The following FAM117A variants were observed in gnomAD, a reference collection of about 807,000 sequenced individuals.
The protein encoded by FAM117A is family with sequence similarity 117 member A.
A neutral mutation model predicts 44.1 loss-of-function variants in FAM117A; 21 were observed. The ratio of observed to expected loss-of-function variants is 0.48; its 90% CI spans 0.34 to 0.69. The LOEUF is 0.69. Ranked by LOEUF, FAM117A falls within the 30% of genes least tolerant of loss-of-function variation. FAM117A has a pLI of 0.01. For synonymous variants in FAM117A, 220 were observed against 238.3 expected (o/e 0.92, Z 0.71); for missense variants, 498 against 589.9 (o/e 0.84, Z 1.61).
chr17:49,767,858 G>T (rs757216867), upstream of FAM117A, among the ~76,000 whole-genome samples: 3 of 151,946 alleles, frequency 2.0e-5, no homozygotes, highest in Non-Finnish European at 2.9e-5. Context: ...AACCAAGATT[G>T]CACCACTGCG....
At chr17:49,787,522 T>C (rs1172182886) in intron 1 of FAM117A, among the ~76,000 whole-genome samples, 4 of 152,242 alleles carry the variant, frequency 2.6e-5, no homozygotes, top group African/African-American at 9.6e-5. Flanking sequence ...ATTTACCTTC[T>C]GCTTCTTTGT....
intron 1 of FAM117A, among the ~76,000 whole-genome samples, chr17:49,737,184 C>T (rs1447320627): frequency 1.3e-5 from 2 of 152,176 alleles, no homozygotes; most frequent in African/African-American, 2.4e-5. Context: ...AAGTTGGTGA[C>T]AGGCACACTG....
chr17:49,763,882 C>G lies in FAM117A; in HGVS notation c.196+10G>C. The G allele has an allele frequency of 1.6e-6, 2 of 1,227,352 alleles. No homozygotes were observed. Among genetic ancestry groups the G allele is most frequent in the Non-Finnish European group, 2.0e-6 (2 of 985,326 alleles). 76.0% of individuals were successfully genotyped at this position (1,227,352 alleles called of 1,614,324 possible). A position where few individuals can be genotyped will look rare whatever the true frequency, so the allele number is the denominator to read the frequency against. ...CTCCTTCCACGGCACCCGCTCCAGG[C>G]CCGGCTCACCTGCACGGCCACCCCC... On this transcript the variant is annotated intron_variant, in intron 1 of 7. Transcript: ENST00000240364.
intron 1 of FAM117A, among the ~76,000 whole-genome samples, chr17:49,773,815 A>T (rs1320816950): frequency 6.6e-6 from 1 of 151,400 alleles, no homozygotes; most frequent in East Asian, 2.0e-4. Flanking sequence ...GTGTAATGGC[A>T]CGATCTCGGC....
At chr17:49,780,993 G>C (rs1468719302) in intron 1 of FAM117A, among the ~76,000 whole-genome samples, 1 of 151,994 alleles carries the variant, frequency 6.6e-6, no homozygotes, top group Non-Finnish European at 1.5e-5. Flanking sequence ...ACCATGCCCG[G>C]CTAATTTTTG....
intron 1 of FAM117A, among the ~76,000 whole-genome samples, chr17:49,740,517 G>A (rs965014319): frequency 1.3e-5 from 2 of 152,182 alleles, no homozygotes; most frequent in African/African-American, 2.4e-5. Flanking sequence ...CCAAAGTGCT[G>A]GGATTACAGG....
Position 49,720,350 on chromosome 17 carries a change from G to A in FAM117A, c.549C>T (p.Asp183=), listed in dbSNP as rs774907028. ...CCCTCAGTGCTCCCCGCACTGCGTG[G>A]TCCCCTAGGAGTGGTGAACCTCGCT... is the stretch of plus-strand genomic sequence containing the variant. ...EKERGSPLLG[D]HAVRGALRAS... The change falls in exon 4 of 8, where the codon GAC becomes GAT. Residue 183 remains aspartate (D), a synonymous_variant. Transcript: ENST00000240364. 2.2e-5 allele frequency: 35 copies of A among 1,613,676 alleles called. No individual in the cohort carries two copies. The highest frequency in any genetic ancestry group is 2.8e-5 in the Non-Finnish European group (33 of 1,179,950).
chr17:49,758,640 AAT>A (rs1567835873), intron 1 of FAM117A, among the ~76,000 whole-genome samples: 81 of 43,252 alleles, frequency 1.9e-3, no homozygotes, highest in East Asian at 6.9e-3. Flanking sequence ...AAAAAAATAA[AAT>A]AAATAAATAA....
At chr17:49,788,471 C>T (rs529749404) in intron 1 of FAM117A, 5 of 260,416 alleles carry the variant, frequency 1.9e-5, no homozygotes, top group Middle Eastern at 1.1e-3. Context: ...GAATGGCTAC[C>T]CACGCCCACA....
chr17:49,767,921 AAGT>A (rs1043322173), upstream of FAM117A, among the ~76,000 whole-genome samples: 3 of 152,236 alleles, frequency 2.0e-5, no homozygotes, highest in East Asian at 1.9e-4. Flanking sequence ...TAAAAAAAAA[AAGT>A]AGAAGATTAT....
intron 1 of FAM117A, among the ~76,000 whole-genome samples, chr17:49,757,725 A>G (rs759342709): frequency 6.6e-6 from 1 of 152,292 alleles, no homozygotes; most frequent in South Asian, 2.1e-4. Context: ...TTTTTGACCT[A>G]ATAATGTGAG....
intron 1 of FAM117A, among the ~76,000 whole-genome samples, chr17:49,742,471 G>A (rs1008943529): frequency 2.6e-5 from 4 of 152,226 alleles, no homozygotes; most frequent in African/African-American, 4.8e-5. Context: ...TTAAGCTGCA[G>A]TTAGAAGAAA....
chr17:49,768,177 G>A (rs2073750768), upstream of FAM117A, among the ~76,000 whole-genome samples: 1 of 152,016 alleles, frequency 6.6e-6, no homozygotes, highest in Non-Finnish European at 1.5e-5. Context: ...GATTACCAAG[G>A]GCAAAAGGCT....
chr17:49,744,602 GA>G (rs2143758453), intron 1 of FAM117A, among the ~76,000 whole-genome samples: 1 of 152,038 alleles, frequency 6.6e-6, no homozygotes, highest in South Asian at 2.1e-4. Context: ...TTATAGGTGT[GA>G]GTCACCTTGC....
chr17:49,712,841 C>G (rs1344361014), intron 7 of FAM117A, among the ~76,000 whole-genome samples: 2 of 152,040 alleles, frequency 1.3e-5, no homozygotes, highest in Non-Finnish European at 2.9e-5. Context: ...CCATGTGGTC[C>G]TTGTCATATC....
intron 2 of FAM117A, among the ~76,000 whole-genome samples, chr17:49,728,173 A>G (rs775282080): frequency 6.6e-6 from 1 of 152,230 alleles, no homozygotes; most frequent in Non-Finnish European, 1.5e-5. Context: ...CTGATCGCCA[A>G]TCTGGAAAAC....
intron 1 of FAM117A, among the ~76,000 whole-genome samples, chr17:49,736,433 A>G (rs1322201657): frequency 2.0e-5 from 3 of 151,702 alleles, no homozygotes; most frequent in Non-Finnish European, 2.9e-5. Context: ...ATTTTTTTGT[A>G]TTTTTAGTAG....
intron 1 of FAM117A, among the ~76,000 whole-genome samples, chr17:49,758,974 T>C (rs2073711323): frequency 6.6e-6 from 1 of 152,224 alleles, no homozygotes; most frequent in African/African-American, 2.4e-5. Flanking sequence ...AATAAAGGCA[T>C]AGTGTTCTCT....
At chr17:49,788,792 C>A (rs757319366), upstream of FAM117A, 41 of 1,565,880 alleles carry the variant, frequency 2.6e-5, no homozygotes, top group Non-Finnish European at 3.2e-5. Flanking sequence ...CTGCTGCTGC[C>A]GCCGCTGCCC....
Sources: allele counts gnomAD v4.1 joint callset (sites outside exome capture counted in the v4.1 genomes callset), GRCh38; gene constraint gnomAD v4.1.1; transcripts MANE v1.5; gene names NCBI Gene and HGNC (gene_info 2026-07-23, HGNC 2026-07-21).